The following PPFIA4 variants were observed in gnomAD, a reference collection of about 807,000 sequenced individuals.
PPFIA4 encodes liprin-alpha-4.
In PPFIA4, 98 loss-of-function variants were observed where a neutral mutation model predicts 145.7. That is an observed-to-expected ratio of 0.67 (90% CI 0.57 to 0.80). The LOEUF (loss-of-function observed/expected upper bound fraction) is 0.80. Among genes scored for constraint, PPFIA4 ranks in the 30% least tolerant of loss-of-function variants. PPFIA4 has a pLI of 0.00. For missense variants in PPFIA4, 1,457 were observed against 1,632.7 expected (o/e 0.89, Z 1.85); for synonymous variants, 628 against 649.6 (o/e 0.97, Z 0.51).
rs1662515737 is a variant in PPFIA4 at position 203,076,026 on chromosome 1, A to AC, written c.3574+275dup. On this transcript the variant is annotated intron_variant, in intron 29 of 29. Coordinates refer to ENST00000295706, the MANE Select transcript of PPFIA4 (RefSeq NM_001304331.2). ...CCACGGTTCGGACCTACTCCTGCTG[A>AC]CCCCCCATCCTCCCGCCCCGGGTCT... The AC allele has an allele frequency of 3.4e-5, 20 of 580,576 alleles. No individual in the cohort carries two copies. In the South Asian group the frequency reaches 4.5e-4, roughly 13 times the overall value. The allele number at this position is 580,576 out of a possible 1,614,324, so 36.0% of individuals were successfully genotyped here.
Position 203,048,445 on chromosome 1 carries a change from G to A in PPFIA4, c.1224+135G>A. The A allele has an allele frequency of 6.8e-7, 1 of 1,466,258 alleles. No individual in the cohort carries two copies. The highest frequency in any genetic ancestry group is 9.3e-7 in the Non-Finnish European group (1 of 1,075,400). 90.8% of individuals were successfully genotyped at this position (1,466,258 alleles called of 1,614,324 possible). On this transcript the variant is annotated intron_variant, in intron 10 of 29. Coordinates refer to ENST00000295706, the MANE Select transcript of PPFIA4 (RefSeq NM_001304331.2). This position sits in a 1 kb window ranked among gnomAD's most constrained non-coding sequence, Gnocchi z 5.8. ...AGAGAGTGGGAGGAGGCTGGCAGGT[G>A]AAGGGGGAGGTGGTCAGGAGACTGG...
chr1:203,062,657 C>CT (rs1378945508), intron 24 of PPFIA4, among the ~76,000 whole-genome samples: 2 of 151,936 alleles, frequency 1.3e-5, no homozygotes, highest in Non-Finnish European at 2.9e-5. Flanking sequence ...ATAAAACACC[C>CT]TTGGCAGAGG....
chr1:203,074,603 A>G (rs2102700722), intron 28 of PPFIA4, among the ~76,000 whole-genome samples: 1 of 152,210 alleles, frequency 6.6e-6, no homozygotes, highest in Admixed American at 6.5e-5. Flanking sequence ...CTAGCGGGGA[A>G]GGGCTGGGAG....
At chr1:203,053,282 C>T (rs147702260) in intron 14 of PPFIA4, among the ~76,000 whole-genome samples, 58 of 151,942 alleles carry the variant, frequency 3.8e-4, no homozygotes, top group African/African-American at 1.4e-3. Context: ...CTTGTAATCC[C>T]AGCACTTTGG....
At chr1:203,049,021 G>C (rs766338048) in intron 12 of PPFIA4, 41 bp downstream of exon 12, 1 of 1,540,510 alleles carries the variant, frequency 6.5e-7, no homozygotes, top group Non-Finnish European at 8.8e-7. Context: ...TGGGAGGGCC[G>C]GGTTGCAGGG....
intron 27 of PPFIA4, 90 bp from the exon 28 acceptor site, chr1:203,071,602 C>G: frequency 9.4e-7 from 1 of 1,064,722 alleles, no homozygotes; most frequent in East Asian, 2.6e-5. Flanking sequence ...CATCTCTGAC[C>G]TTGGACCCTT....
intron 28 of PPFIA4, among the ~76,000 whole-genome samples, chr1:203,073,931 G>T (rs182303525): frequency 6.6e-6 from 1 of 152,302 alleles, no homozygotes; most frequent in East Asian, 1.9e-4. Flanking sequence ...AGAGCCAGCT[G>T]CCACCTATTC....
chr1:203,050,945 G>A (rs1407084361), intron 13 of PPFIA4, among the ~76,000 whole-genome samples: 1 of 151,670 alleles, frequency 6.6e-6, no homozygotes, highest in Non-Finnish European at 1.5e-5. Context: ...GATTCATCGT[G>A]GAATTGGGGC....
intron 14 of PPFIA4, among the ~76,000 whole-genome samples, chr1:203,053,419 G>C (rs1009283450): frequency 6.6e-6 from 1 of 152,156 alleles, no homozygotes; most frequent in East Asian, 1.9e-4. Context: ...TGTAATCCTA[G>C]CTACTCGGGA....
intron 1 of PPFIA4, chr1:203,037,114 C>G (rs1311552064): frequency 3.8e-6 from 1 of 260,636 alleles, no homozygotes. Flanking sequence ...TAACTTTCCT[C>G]AGATCTAGAC....
intron 27 of PPFIA4, among the ~76,000 whole-genome samples, chr1:203,071,299 A>G (rs942438862): frequency 6.6e-6 from 1 of 151,404 alleles, no homozygotes. Context: ...CCTCCCGAGT[A>G]GCTGGGACTA....
intron 25 of PPFIA4, chr1:203,067,319 G>A (rs1661793390): frequency 9.2e-6 from 2 of 216,906 alleles, no homozygotes; most frequent in South Asian, 7.4e-5. Context: ...TAAGGACTCC[G>A]AGTGAAGTAG....
chr1:203,055,755 T>A lies in PPFIA4; in HGVS notation c.2070+83T>A, dbSNP rs894309205. ...TTAAGGGATGGTAGGACTCACGTGC[T>A]CTCAGCTGGGCCTGCCATCTTCTTC... On this transcript the variant is annotated intron_variant, in intron 16 of 29. Transcript: ENST00000295706. The surrounding 1 kb of genome is among the most constrained non-coding windows in gnomAD (Gnocchi z 4.8). 6.3e-7 allele frequency: 1 copy of A among 1,575,410 alleles called. No individual in the cohort carries two copies. The highest frequency in any genetic ancestry group is 8.6e-7 in the Non-Finnish European group (1 of 1,156,840).
intron 1 of PPFIA4, among the ~76,000 whole-genome samples, chr1:203,032,461 C>A (rs1256376358): frequency 8.1e-6 from 1 of 123,636 alleles, no homozygotes; most frequent in South Asian, 2.7e-4. Context: ...GAAATAGGGT[C>A]TTGCTCTGTT....
At chr1:203,037,170 C>T (rs904379489) in intron 1 of PPFIA4, 6 of 372,894 alleles carry the variant, frequency 1.6e-5, no homozygotes, top group African/African-American at 1.3e-4. Flanking sequence ...CTGTTTCTGC[C>T]TAGAGCATCA....
rs752262643 is a variant in PPFIA4 at position 203,076,322 on chromosome 1, G to GTC, written c.3575-8_3575-7dup. The GTC allele has an allele frequency of 1.1e-5, 17 of 1,594,544 alleles. No individual in the cohort carries two copies. The highest frequency in any genetic ancestry group is 4.4e-5 in the South Asian group (4 of 90,884). Reference sequence around the variant, plus strand: ...CAACCTGCCTCACAGTGCGATGCCTGTCTCTCTCTCTCCCTCAGCTCACTC... The same window carrying GTC: ...CAACCTGCCTCACAGTGCGATGCCTGTCTCTCTCTCTCTCCCTCAGCTCACTC... On this transcript the variant is annotated intron_variant, in intron 29 of 29. Transcript: ENST00000295706.
rs1660963708 is a variant in PPFIA4, at chr1:203,056,523, C to T, written c.2240+15C>T. On this transcript the variant is annotated intron_variant, in intron 18 of 29. Transcript: ENST00000295706. Reference sequence around the variant, plus strand: ...GAAGGCAAGAGGTAAGTAGAGCAGACCCCACCTCCAGTCTCTCCATCCACA... The same window carrying T: ...GAAGGCAAGAGGTAAGTAGAGCAGATCCCACCTCCAGTCTCTCCATCCACA... 1 of 1,611,302 alleles carries T rather than the reference C, an allele frequency of 6.2e-7. No individual in the cohort carries two copies.
In PPFIA4 at chr1:203,048,191, G is replaced by T; in HGVS notation, c.1141-36G>T. The T allele has an allele frequency of 6.2e-7, 1 of 1,603,022 alleles. No individual in the cohort carries two copies. The highest frequency in any genetic ancestry group is 8.5e-7 in the Non-Finnish European group (1 of 1,172,292). On this transcript the variant is annotated intron_variant, in intron 9 of 29. Transcript: ENST00000295706. The surrounding 1 kb of genome is among the most constrained non-coding windows in gnomAD (Gnocchi z 5.8). ...GCGGGGCCTGAGCAGGAAGAACAGA[G>T]ATCTGCGGGCTGCACCGACCCATCC...
intron 1 of PPFIA4, among the ~76,000 whole-genome samples, chr1:203,027,662 A>C (rs942873813): frequency 6.6e-6 from 1 of 152,098 alleles, no homozygotes; most frequent in African/African-American, 2.4e-5. Flanking sequence ...GGTACCTAGT[A>C]CTTTGCTCAA....
Sources: allele counts gnomAD v4.1 joint callset (sites outside exome capture counted in the v4.1 genomes callset), GRCh38; gene constraint gnomAD v4.1.1; non-coding constraint Gnocchi (gnomAD v3.1); transcripts MANE v1.5; gene names NCBI Gene and HGNC (gene_info 2026-07-23, HGNC 2026-07-21).